SOX5: variants seen among roughly 807,000 people sequenced by gnomAD.
SOX5 encodes SRY-box transcription factor 5, also known as transcription factor SOX-5.
SOX5 carries 9 observed loss-of-function variants against 92.0 expected under a neutral mutation model. That is an observed-to-expected ratio of 0.10 (90% CI 0.06 to 0.17). The LOEUF (loss-of-function observed/expected upper bound fraction) is 0.17, where lower values mean the gene tolerates loss of function less well. Ranked by LOEUF, SOX5 falls within the 10% of genes least tolerant of loss-of-function variation. The pLI is 1.00. For missense variants in SOX5, 642 were observed against 944.5 expected (o/e 0.68, Z 4.20); for synonymous variants, 344 against 336.3 (o/e 1.02, Z -0.25).
intron 2 of SOX5, among the ~76,000 whole-genome samples, chr12:24,356,344 G>A (rs1427457041): frequency 6.6e-6 from 1 of 152,090 alleles, no homozygotes; most frequent in Admixed American, 6.6e-5. Context: ...GTTATTTTTT[G>A]TCTGACTGAC....
chr12:23,909,981 A>G (rs952456584), intron 1 of SOX5, among the ~76,000 whole-genome samples: 5 of 151,760 alleles, frequency 3.3e-5, no homozygotes, highest in Admixed American at 6.6e-5. Flanking sequence ...AAGTTTATGG[A>G]GGCATGATCA....
intron 1 of SOX5, among the ~76,000 whole-genome samples, chr12:24,494,670 T>C (rs2138026858): frequency 6.6e-6 from 1 of 152,168 alleles, no homozygotes; most frequent in South Asian, 2.1e-4. Context: ...TGTTTCAGAG[T>C]GTAAGGCATA....
At chr12:24,428,109 G>A (rs1966878260) in intron 1 of SOX5, among the ~76,000 whole-genome samples, 1 of 151,384 alleles carries the variant, frequency 6.6e-6, no homozygotes, top group Non-Finnish European at 1.5e-5. Context: ...CTGTGACCGT[G>A]CTAATTATTT....
chr12:24,247,645 C>CT (rs11300258), intron 3 of SOX5, among the ~76,000 whole-genome samples: 1,683 of 75,456 alleles, frequency 0.022, 71 homozygotes, highest in African/African-American at 0.065. Context: ...TATTTATTTA[C>CT]TTTTTTTTTT....
intron 4 of SOX5, among the ~76,000 whole-genome samples, chr12:24,118,028 A>G (rs1948222414): frequency 6.6e-6 from 1 of 150,522 alleles, no homozygotes; most frequent in African/African-American, 2.5e-5. Flanking sequence ...CAAAAAAAAA[A>G]AAAAAAAAAA....
intron 2 of SOX5, among the ~76,000 whole-genome samples, chr12:24,325,189 C>G (rs1950562444): frequency 2.0e-5 from 3 of 151,438 alleles, no homozygotes; most frequent in South Asian, 4.2e-4. Context: ...AGAGCATTAA[C>G]TGAACATAAT....
chr12:23,574,823 G>C (rs1253513742), intron 10 of SOX5, among the ~76,000 whole-genome samples: 2 of 152,046 alleles, frequency 1.3e-5, no homozygotes, highest in African/African-American at 4.8e-5. Context: ...GTTTGAATTA[G>C]GATATATCTA....
At chr12:24,125,946 A>G (rs1408145379) in intron 4 of SOX5, among the ~76,000 whole-genome samples, 1 of 152,102 alleles carries the variant, frequency 6.6e-6, no homozygotes, top group Non-Finnish European at 1.5e-5. Flanking sequence ...TCAGATCCGT[A>G]TCTTGCTTGG....
chr12:23,556,946 TA>T (rs1378721230), intron 11 of SOX5, among the ~76,000 whole-genome samples: 1 of 152,226 alleles, frequency 6.6e-6, no homozygotes, highest in Non-Finnish European at 1.5e-5. Context: ...ATGATGGATG[TA>T]AAATTATTAC....
intron 4 of SOX5, among the ~76,000 whole-genome samples, chr12:23,971,289 A>AT (rs1256817875): frequency 3.3e-4 from 50 of 151,050 alleles, no homozygotes; most frequent in African/African-American, 1.2e-3. Context: ...TGCCTGGCTA[A>AT]TTTTTTGTAT....
intron 1 of SOX5, among the ~76,000 whole-genome samples, chr12:24,557,734 A>C (rs1953950107): frequency 6.6e-6 from 1 of 152,238 alleles, no homozygotes; most frequent in Non-Finnish European, 1.5e-5. Context: ...GTAGCTGAGC[A>C]TCAGAGATAC....
intron 4 of SOX5, among the ~76,000 whole-genome samples, chr12:24,074,281 C>A (rs1314157459): frequency 6.6e-6 from 1 of 152,000 alleles, no homozygotes; most frequent in East Asian, 1.9e-4. Flanking sequence ...TTTCTCTAGA[C>A]CACAAATGAC....
intron 4 of SOX5, among the ~76,000 whole-genome samples, chr12:24,067,651 G>A (rs1940979043): frequency 6.6e-6 from 1 of 152,114 alleles, no homozygotes; most frequent in Non-Finnish European, 1.5e-5. Context: ...TTCTGAGATT[G>A]ATCAACGATT....
chr12:23,950,893 G>T, upstream of SOX5: 1 of 1,534,762 alleles, frequency 6.5e-7, no homozygotes, highest in Non-Finnish European at 8.7e-7. Flanking sequence ...AGAGATGGTG[G>T]CTGCCCCGTG....
intron 3 of SOX5, among the ~76,000 whole-genome samples, chr12:24,258,158 C>T (rs138988610): frequency 0.013 from 2,047 of 152,130 alleles, 23 homozygotes; most frequent in Middle Eastern, 0.034. Context: ...GGTAACAGAG[C>T]AAGACTCCGT....
chr12:24,222,577 A>G (rs1960739338), intron 3 of SOX5, among the ~76,000 whole-genome samples: 1 of 152,154 alleles, frequency 6.6e-6, no homozygotes, highest in Non-Finnish European at 1.5e-5. Flanking sequence ...CACGTTACAA[A>G]CTACCATGTA....
chr12:24,449,756 A>C (rs1329288042), intron 1 of SOX5, among the ~76,000 whole-genome samples: 4 of 152,218 alleles, frequency 2.6e-5, no homozygotes, highest in Admixed American at 2.6e-4. Flanking sequence ...ACCATCTTCT[A>C]AAATATAATT....
At chr12:23,806,382 T>C (rs2095771164) in intron 3 of SOX5, among the ~76,000 whole-genome samples, 2 of 151,960 alleles carry the variant, frequency 1.3e-5, no homozygotes, top group African/African-American at 4.8e-5. Flanking sequence ...AGCACTGAAA[T>C]GGGAGGACTA....
intron 1 of SOX5, among the ~76,000 whole-genome samples, chr12:24,430,953 A>C (rs955987920): frequency 6.6e-6 from 1 of 152,216 alleles, no homozygotes; most frequent in African/African-American, 2.4e-5. Context: ...AAAATTGTAT[A>C]ATGCTATCAA....
Sources: gnomAD v4.1 joint callset for allele counts (sites outside exome capture counted in the v4.1 genomes callset) on GRCh38, gnomAD v4.1.1 for gene constraint, MANE v1.5 for transcripts, NCBI Gene and HGNC (gene_info 2026-07-23, HGNC 2026-07-21) for gene names.